Variants in NOC3L observed in about 807,000 individuals in gnomAD.
NOC3L encodes the protein NOC3 like DNA replication regulator.
A neutral mutation model predicts 102.5 loss-of-function variants in NOC3L; 85 were observed. That is an observed-to-expected ratio of 0.83 (90% CI 0.70 to 0.99). NOC3L has a LOEUF of 0.99. NOC3L is among the 50% of genes least tolerant of loss of function. The pLI, the probability that NOC3L is intolerant of heterozygous loss-of-function variation, is 0.00. For synonymous variants in NOC3L, 303 were observed against 309.4 expected, an observed-to-expected ratio of 0.98 and a Z score of 0.22; for missense variants, 878 against 914.9, an observed-to-expected ratio of 0.96 and a Z score of 0.52.
At chr10:94,318,379 C>T in the NOC3L span, among the ~76,000 whole-genome samples, 355 of 152,248 alleles carry the variant, frequency 2.3e-3, 1 homozygote, top group African/African-American at 8.3e-3. Flanking sequence ...ATCCTCTAAG[C>T]GATGTCAGAA....
chr10:94,321,927 A>C, the NOC3L span: 3 of 1,613,834 alleles, frequency 1.9e-6, no homozygotes, highest in Non-Finnish European at 2.5e-6. Flanking sequence ...ACATTGTTCA[A>C]GATGACAAAG....
intron 6 of NOC3L, 27 bp from the exon 7 acceptor site, chr10:94,353,084 G>A: frequency 1.3e-6 from 2 of 1,559,236 alleles, no homozygotes; most frequent in Non-Finnish European, 8.7e-7. Context: ...TTATAAAGCT[G>A]GAGAAATCAT....
At chr10:94,337,496 C>A (rs1210454884) in intron 19 of NOC3L, among the ~76,000 whole-genome samples, 2 of 152,108 alleles carry the variant, frequency 1.3e-5, no homozygotes, top group African/African-American at 2.4e-5. Context: ...TATGGACATT[C>A]ACTATGCCAT....
Position 94,354,961 on chromosome 10 carries a change from ACATT to A in NOC3L, c.694_696+1del, listed in dbSNP as rs1564916761. On this transcript the variant is annotated splice_donor_variant and coding_sequence_variant, in exon 6 of 21. Transcript: ENST00000371361. LOFTEE classifies it high-confidence loss of function. ...GAGCCTAAAGAAATTAATACTACCTACATTATTTTCTGGATCTGATAATATGGCA... is the reference window on the plus strand; with the variant it reads ...GAGCCTAAAGAAATTAATACTACCTAATTTTCTGGATCTGATAATATGGCA... The A allele has an allele frequency of 6.2e-7, 1 of 1,612,456 alleles. No homozygotes were observed. The highest frequency in any genetic ancestry group is 1.1e-5 in the South Asian group (1 of 90,982).
In NOC3L at chr10:94,333,729, C is replaced by T. The variant is rs1292239242; in HGVS notation, c.*448G>A. ...ATTAACTCAAATTTAGAATGCTTCT[C>T]ATTTCCATCCACAGTATTGAAATAA... On this transcript the variant is annotated 3_prime_UTR_variant, in exon 21 of 21. Coordinates refer to ENST00000371361, the MANE Select transcript of NOC3L (RefSeq NM_022451.11). The T allele has an allele frequency of 6.6e-6, 1 of 152,124 alleles. No homozygotes were observed. The highest frequency in any genetic ancestry group is 2.4e-5 in the African/African-American group (1 of 41,408). The allele number at this position is 152,124 out of a possible 1,614,324, so 9.4% of individuals were successfully genotyped here. A position where few individuals can be genotyped will look rare whatever the true frequency, so the allele number is the denominator to read the frequency against.
chr10:94,331,299 T>C (rs1416803304), downstream of NOC3L: 6 of 152,340 alleles, frequency 3.9e-5, no homozygotes, highest in East Asian at 1.9e-4. Context: ...CTCTATGATA[T>C]GTATCAATTT....
chr10:94,326,159 T>A, the NOC3L span, among the ~76,000 whole-genome samples: 1 of 152,214 alleles, frequency 6.6e-6, no homozygotes, highest in African/African-American at 2.4e-5. Flanking sequence ...TTCACAGATT[T>A]AAAATTCCCA....
the NOC3L span, among the ~76,000 whole-genome samples, chr10:94,317,905 T>C: frequency 6.6e-6 from 1 of 152,240 alleles, no homozygotes; most frequent in Non-Finnish European, 1.5e-5. Flanking sequence ...TACCAAGCCC[T>C]GTTCTGGGCA....
chr10:94,337,379 C>T (rs897124712), intron 19 of NOC3L, among the ~76,000 whole-genome samples: 3 of 150,374 alleles, frequency 2.0e-5, no homozygotes, highest in Admixed American at 1.3e-4. Context: ...AAAGACCGAG[C>T]GAGCGAGAAA....
At chr10:94,344,022 A>G (rs1262079484) in intron 13 of NOC3L, among the ~76,000 whole-genome samples, 1 of 152,234 alleles carries the variant, frequency 6.6e-6, no homozygotes, top group Non-Finnish European at 1.5e-5. Context: ...GATCTATCTT[A>G]GCAGAAACAC....
the NOC3L span, among the ~76,000 whole-genome samples, chr10:94,318,307 A>G: frequency 6.6e-6 from 1 of 152,212 alleles, no homozygotes; most frequent in Non-Finnish European, 1.5e-5. Context: ...TTTAATGTCT[A>G]AATTTTTGTC....
intron 13 of NOC3L, 89 bp from the exon 14 acceptor site, chr10:94,341,834 A>G: frequency 2.9e-6 from 2 of 694,568 alleles, no homozygotes; most frequent in South Asian, 4.9e-5. Flanking sequence ...TGTATTTTTA[A>G]TATTCTTTAT....
In NOC3L at chr10:94,340,442, AAAG is replaced by A; in HGVS notation, c.1696_1698del (p.Leu566del). On this transcript the variant is annotated inframe_deletion, in exon 15 of 21. Coordinates refer to ENST00000371361, the MANE Select transcript of NOC3L (RefSeq NM_022451.11). The stretch of plus-strand genomic sequence containing the variant: ...TAAGAAAATATCATACCTTGTCCAG[AAAG>A]AATATGAAAAGCAGTCTGGACACAG... The A allele has an allele frequency of 6.5e-7, 1 of 1,536,860 alleles. No homozygotes were observed. The highest frequency in any genetic ancestry group is 8.9e-7 in the Non-Finnish European group (1 of 1,129,344).
chr10:94,355,028 A>C lies in NOC3L; in HGVS notation c.631T>G (p.Leu211Val), dbSNP rs761404205. The C allele has an allele frequency of 6.2e-7, 1 of 1,613,018 alleles. No individual in the cohort carries two copies. Among genetic ancestry groups the C allele is most frequent in the East Asian group, 2.2e-5 (1 of 44,750 alleles). The part of the protein sequence containing the change: ...EEHLIERKKK[L>V]QEKKMHIAAL... ...GCAATATGCATCTTCTTCTCCTGTA[A>C]TTTCTTCTTTCTCTCAATCAAATGT... Residue 211 changes from leucine to valine, a missense_variant, in exon 6 of 21, where the codon TTA becomes GTA. Coordinates refer to ENST00000371361, the MANE Select transcript of NOC3L (RefSeq NM_022451.11).
At position 94,337,802 on chromosome 10, in the gene NOC3L, C is replaced by T. The variant is rs1216183017; in HGVS notation, c.2164G>A (p.Ala722Thr). Reference protein sequence around the residue: ...IAGAPSEGSGALKPELSRRSA... With the variant: ...IAGAPSEGSGTLKPELSRRSA... ...CTTCGACTCAACTCTGGTTTGAGTG[C>T]TCCAGAGCCTTCAGAAGGTGCTCCA... Residue 722 changes from alanine (A) to threonine (T), a missense_variant, in exon 19 of 21, where the codon GCA (alanine) becomes ACA (threonine). By Grantham distance (58) the Ala-to-Thr change is moderately conservative. Transcript: ENST00000371361. 1 of 1,613,642 alleles carries T rather than the reference C, an allele frequency of 6.2e-7. No homozygotes were observed. The highest frequency in any genetic ancestry group is 2.2e-5 in the East Asian group (1 of 44,876).
In NOC3L at chr10:94,357,231, G is replaced by C. The variant is rs1325299312; in HGVS notation, c.451C>G (p.His151Asp). Residue 151 changes from histidine to aspartate, a missense_variant, in exon 4 of 21, where the codon CAT (histidine) becomes GAT (aspartate). Coordinates refer to ENST00000371361, the MANE Select transcript of NOC3L (RefSeq NM_022451.11). ...LQTAPEKELI[H>D]LLPIKDKSGI... Reference sequence around the variant, plus strand: ...CTTTTATCTTTGATAGGAAGTAAATGAATCAGTTCCTTCTCTGGTGCAGTT... The same window carrying C: ...CTTTTATCTTTGATAGGAAGTAAATCAATCAGTTCCTTCTCTGGTGCAGTT... The C allele has an allele frequency of 1.9e-6, 3 of 1,606,946 alleles. No homozygotes were observed. The highest frequency in any genetic ancestry group is 4.5e-5 in the East Asian group (2 of 44,586).
intron 3 of NOC3L, 38 bp from the exon 4 acceptor site, chr10:94,357,369 G>T: frequency 6.7e-7 from 1 of 1,485,550 alleles, no homozygotes; most frequent in Non-Finnish European, 8.9e-7. Context: ...AGTCTTAATA[G>T]ATCTAAAAAG....
chr10:94,319,556 T>C, the NOC3L span, among the ~76,000 whole-genome samples: 1 of 152,174 alleles, frequency 6.6e-6, no homozygotes, highest in Non-Finnish European at 1.5e-5. Context: ...CTTCCTGTGG[T>C]CAATGTGTCC....
At chr10:94,343,837 G>A (rs2054313375) in intron 13 of NOC3L, among the ~76,000 whole-genome samples, 1 of 152,012 alleles carries the variant, frequency 6.6e-6, no homozygotes. Context: ...TCTTTTTAAT[G>A]TGGCTAATAG....
Sources: gnomAD v4.1 joint callset for allele counts (sites outside exome capture counted in the v4.1 genomes callset) on GRCh38, gnomAD v4.1.1 for gene constraint, MANE v1.5 for transcripts, NCBI Gene and HGNC (gene_info 2026-07-23, HGNC 2026-07-21) for gene names.